The following LRMDA variants were observed in gnomAD, a reference collection of about 807,000 sequenced individuals.
LRMDA encodes the protein leucine rich melanocyte differentiation associated, also known as leucine-rich melanocyte differentiation-associated protein.
LRMDA carries 18 observed loss-of-function variants against 29.8 expected under a neutral mutation model. That is an observed-to-expected ratio of 0.60 (90% CI 0.42 to 0.90). LRMDA has a LOEUF of 0.90. LRMDA is among the 40% of genes least tolerant of loss of function. LRMDA has a pLI of 0.00. For missense variants in LRMDA, 273 were observed against 273.9 expected, an observed-to-expected ratio of 1.00 and a Z score of 0.02; for synonymous variants, 125 against 109.4, an observed-to-expected ratio of 1.14 and a Z score of -0.89.
At chr10:75,734,926 G>A (rs956995108) in intron 2 of LRMDA, among the ~76,000 whole-genome samples, 1 of 152,236 alleles carries the variant, frequency 6.6e-6, no homozygotes, top group Non-Finnish European at 1.5e-5. Context: ...CTGTCCTTCT[G>A]TGATGCTCCT....
intron 5 of LRMDA, among the ~76,000 whole-genome samples, chr10:76,084,755 A>G (rs1478837460): frequency 6.6e-6 from 1 of 152,146 alleles, no homozygotes; most frequent in African/African-American, 2.4e-5. Flanking sequence ...AAAATTATTA[A>G]TATCTTCATT....
At chr10:75,867,616 C>T (rs1389754829) in intron 2 of LRMDA, among the ~76,000 whole-genome samples, 1 of 152,170 alleles carries the variant, frequency 6.6e-6, no homozygotes, top group African/African-American at 2.4e-5. Context: ...AAAGGAACCC[C>T]AAAGCACCCA....
intron 2 of LRMDA, among the ~76,000 whole-genome samples, chr10:75,887,627 A>C (rs1044648891): frequency 5.9e-5 from 9 of 152,192 alleles, no homozygotes; most frequent in Non-Finnish European, 1.2e-4. Flanking sequence ...TTGAGCTGCA[A>C]CTTCAGATTT....
intron 6 of LRMDA, among the ~76,000 whole-genome samples, chr10:76,399,751 C>T (rs1437421745): frequency 6.6e-6 from 1 of 152,198 alleles, no homozygotes; most frequent in African/African-American, 2.4e-5. Context: ...TTTATTTTCT[C>T]CCTTGTCTTT....
chr10:75,739,701 A>T (rs1463398992), intron 2 of LRMDA, among the ~76,000 whole-genome samples: 1 of 152,192 alleles, frequency 6.6e-6, no homozygotes, highest in Non-Finnish European at 1.5e-5. Flanking sequence ...GAAGTATTGA[A>T]TGTTTTTGTG....
At chr10:76,223,201 G>A (rs548875770) in intron 5 of LRMDA, among the ~76,000 whole-genome samples, 16 of 152,000 alleles carry the variant, frequency 1.1e-4, no homozygotes, top group African/African-American at 3.4e-4. Flanking sequence ...CACCAGCATG[G>A]CACATGTATA....
chr10:75,929,126 A>C (rs1846167585), intron 2 of LRMDA, among the ~76,000 whole-genome samples: 1 of 152,180 alleles, frequency 6.6e-6, no homozygotes, highest in African/African-American at 2.4e-5. Flanking sequence ...AGTGCCCAGA[A>C]AGGACCTCGG....
chr10:76,005,715 G>T (rs557155506), intron 2 of LRMDA, among the ~76,000 whole-genome samples: 19 of 152,264 alleles, frequency 1.2e-4, no homozygotes, highest in African/African-American at 4.6e-4. Context: ...CAGATTACGA[G>T]GTCAGGAGAT....
At chr10:76,188,408 C>T (rs1044454948) in intron 5 of LRMDA, among the ~76,000 whole-genome samples, 1 of 152,164 alleles carries the variant, frequency 6.6e-6, no homozygotes, top group African/African-American at 2.4e-5. Flanking sequence ...GAGAAAAACA[C>T]CACCCAAAGA....
intron 2 of LRMDA, among the ~76,000 whole-genome samples, chr10:75,793,939 C>T (rs1262283735): frequency 6.6e-6 from 1 of 152,224 alleles, no homozygotes; most frequent in Non-Finnish European, 1.5e-5. Context: ...CAGTCTCTGT[C>T]ACAACTCCTC....
intron 5 of LRMDA, among the ~76,000 whole-genome samples, chr10:76,203,587 T>C (rs1851472045): frequency 6.6e-6 from 1 of 152,242 alleles, no homozygotes; most frequent in Non-Finnish European, 1.5e-5. Context: ...AGAGGACACT[T>C]TGTAAAACAA....
intron 6 of LRMDA, among the ~76,000 whole-genome samples, chr10:76,536,913 G>T (rs1454053351): frequency 1.3e-5 from 2 of 151,976 alleles, no homozygotes; most frequent in Non-Finnish European, 2.9e-5. Context: ...TTACTATGTT[G>T]GTGCATGGTA....
intron 5 of LRMDA, among the ~76,000 whole-genome samples, chr10:76,166,230 A>G (rs1002264663): frequency 6.6e-6 from 1 of 152,222 alleles, no homozygotes; most frequent in African/African-American, 2.4e-5. Context: ...AGTCAAAACC[A>G]TGGACAAAGG....
At chr10:76,378,004 T>G (rs1037276702) in intron 6 of LRMDA, among the ~76,000 whole-genome samples, 23 of 152,314 alleles carry the variant, frequency 1.5e-4, no homozygotes, top group African/African-American at 5.5e-4. Flanking sequence ...TATTTGACTT[T>G]TTAATCCATG....
At chr10:75,923,809 C>CT (rs1018184605) in intron 2 of LRMDA, among the ~76,000 whole-genome samples, 27 of 152,180 alleles carry the variant, frequency 1.8e-4, no homozygotes, top group Admixed American at 4.6e-4. Context: ...TAGGGATTCC[C>CT]TTTTTTGCAC....
chr10:76,458,752 A>G (rs1842483037), intron 6 of LRMDA, among the ~76,000 whole-genome samples: 1 of 152,150 alleles, frequency 6.6e-6, no homozygotes, highest in African/African-American at 2.4e-5. Context: ...CCTCTATGTG[A>G]CACTTCTGGC....
At position 76,501,153 on chromosome 10, in the gene LRMDA, ATT is replaced by A. The variant is rs1322428437; in HGVS notation, c.602-56053_602-56052del. On this transcript the variant is annotated intron_variant, in intron 6 of 6. Transcript: ENST00000611255. ...GTATTTGGTTTTCTGGTCCTGCATT[ATT>A]TTGTTTAGGATTAGCCTGCCGCTGT... 1.6e-3 allele frequency among the ~76,000 whole-genome samples: 109 copies of A among 66,580 alleles called. 28 individuals carry two copies. Among genetic ancestry groups the A allele is most frequent in the African/African-American group, 4.0e-3 (107 of 26,890 alleles). 43.7% of individuals were successfully genotyped at this position (66,580 alleles called of 152,430 possible). A position where few individuals can be genotyped will look rare whatever the true frequency, so the allele number is the denominator to read the frequency against.
chr10:75,520,249 T>C (rs1845340770), intron 2 of LRMDA, among the ~76,000 whole-genome samples: 1 of 152,236 alleles, frequency 6.6e-6, no homozygotes, highest in African/African-American at 2.4e-5. Flanking sequence ...GGGGAAGTTT[T>C]CCTGGATAAT....
chr10:76,519,934 T>G (rs1327563581), intron 6 of LRMDA, among the ~76,000 whole-genome samples: 1 of 152,176 alleles, frequency 6.6e-6, no homozygotes, highest in Non-Finnish European at 1.5e-5. Context: ...TAATTTGGGT[T>G]TTACTTTTTT....
Sources: allele counts gnomAD v4.1 joint callset (sites outside exome capture counted in the v4.1 genomes callset), GRCh38; gene constraint gnomAD v4.1.1; transcripts MANE v1.5; gene names NCBI Gene and HGNC (gene_info 2026-07-23, HGNC 2026-07-21).